The following RPS6KC1 variants were observed in gnomAD, a reference collection of about 807,000 sequenced individuals.
RPS6KC1 encodes the protein inactive ribosomal protein S6 kinase delta-1.
In RPS6KC1, 54 loss-of-function variants were observed where a neutral mutation model predicts 103.8. The observed-to-expected ratio is 0.52, with a 90% CI of 0.42 to 0.65. RPS6KC1 has a LOEUF of 0.65. Ranked by LOEUF, RPS6KC1 falls within the 30% of genes least tolerant of loss-of-function variation. The probability of loss-of-function intolerance (pLI) is 0.00; values close to 1 mark genes in which losing one functional copy is unlikely to be tolerated. For synonymous variants in RPS6KC1, 439 were observed against 438.7 expected (o/e 1.00, Z -0.01); for missense variants, 1,151 against 1,253.8 (o/e 0.92, Z 1.24).
the RPS6KC1 span, among the ~76,000 whole-genome samples, chr1:213,623,452 T>C: frequency 3.0e-4 from 46 of 151,976 alleles, no homozygotes; most frequent in Non-Finnish European, 5.3e-4. Context: ...ATGCCGGAAA[T>C]ATAAAGAGAG....
the RPS6KC1 span, among the ~76,000 whole-genome samples, chr1:213,826,440 G>T: frequency 6.6e-6 from 1 of 152,166 alleles, no homozygotes; most frequent in African/African-American, 2.4e-5. Flanking sequence ...ATAAGATAAT[G>T]CTCAGGTTGG....
chr1:213,171,222 T>C lies in RPS6KC1; in HGVS notation c.951+3249T>C, dbSNP rs146566539. On this transcript the variant is annotated intron_variant, in intron 7 of 14. Coordinates refer to ENST00000366960, the MANE Select transcript of RPS6KC1 (RefSeq NM_012424.6). The stretch of plus-strand genomic sequence containing the variant: ...ACAGAAAGGAAAAAAAGCACTCTCT[T>C]ACTCTTTTTCTTCATTGCTTCATTA... Among the ~76,000 whole-genome samples the C allele has an allele frequency of 7.9e-4, 120 of 152,238 alleles. 1 individual carries two copies. Among genetic ancestry groups the C allele is most frequent in the Non-Finnish European group, 1.5e-3 (103 of 68,002 alleles).
At chr1:213,280,069 C>T in the RPS6KC1 span, among the ~76,000 whole-genome samples, 2 of 152,206 alleles carry the variant, frequency 1.3e-5, no homozygotes, top group East Asian at 3.9e-4. Flanking sequence ...AGTTTGAAGA[C>T]ATTTTCAGTG....
At chr1:213,536,614 G>T in the RPS6KC1 span, among the ~76,000 whole-genome samples, 2 of 152,148 alleles carry the variant, frequency 1.3e-5, no homozygotes, top group Admixed American at 6.5e-5. Context: ...CTTGATAAAA[G>T]GTGAGCCGTT....
At chr1:213,337,393 A>C in the RPS6KC1 span, among the ~76,000 whole-genome samples, 2 of 152,178 alleles carry the variant, frequency 1.3e-5, no homozygotes, top group African/African-American at 4.8e-5. Context: ...CTCCTCTGTA[A>C]ATGAAGGAGA....
At chr1:213,092,262 T>C (rs951340464) in intron 3 of RPS6KC1, among the ~76,000 whole-genome samples, 2 of 152,194 alleles carry the variant, frequency 1.3e-5, no homozygotes, top group African/African-American at 2.4e-5. Flanking sequence ...ACACAGGGTG[T>C]TCATTGCAGC....
intron 1 of RPS6KC1, among the ~76,000 whole-genome samples, chr1:213,067,750 T>C (rs1012370438): frequency 1.3e-5 from 2 of 152,194 alleles, no homozygotes; most frequent in African/African-American, 4.8e-5. Context: ...AGCACATAGA[T>C]GTATGTAAAC....
the RPS6KC1 span, among the ~76,000 whole-genome samples, chr1:213,380,912 G>A: frequency 7.9e-5 from 12 of 152,266 alleles, no homozygotes; most frequent in Admixed American, 2.6e-4. Context: ...ATGCCCATCT[G>A]TGCCGTGGGG....
At chr1:213,620,178 C>T in the RPS6KC1 span, among the ~76,000 whole-genome samples, 1 of 152,192 alleles carries the variant, frequency 6.6e-6, no homozygotes, top group Non-Finnish European at 1.5e-5. Flanking sequence ...AAACTCTGTA[C>T]ATTAAAACAA....
the RPS6KC1 span, among the ~76,000 whole-genome samples, chr1:213,764,143 A>T: frequency 6.6e-6 from 1 of 152,346 alleles, no homozygotes; most frequent in Non-Finnish European, 1.5e-5. Context: ...GTGAAGTAGC[A>T]GGTTTATCAC....
the RPS6KC1 span, among the ~76,000 whole-genome samples, chr1:213,677,822 A>C: frequency 6.6e-6 from 1 of 151,896 alleles, no homozygotes; most frequent in Non-Finnish European, 1.5e-5. Context: ...CCTGGCCAAG[A>C]TGGTGGAACC....
the RPS6KC1 span, among the ~76,000 whole-genome samples, chr1:213,789,673 T>C: frequency 6.6e-6 from 1 of 152,166 alleles, no homozygotes; most frequent in Non-Finnish European, 1.5e-5. Context: ...AGGTACTCTA[T>C]CGAGTCTACT....
the RPS6KC1 span, among the ~76,000 whole-genome samples, chr1:213,850,532 C>T: frequency 5.9e-5 from 9 of 152,340 alleles, no homozygotes; most frequent in African/African-American, 1.9e-4. Flanking sequence ...TACAGTCTGA[C>T]ATTGCTCTTT....
At chr1:213,803,987 G>T in the RPS6KC1 span, among the ~76,000 whole-genome samples, 3 of 151,330 alleles carry the variant, frequency 2.0e-5, no homozygotes, top group Non-Finnish European at 2.9e-5. Context: ...GGGAGGGATA[G>T]CATTAGGAGA....
chr1:213,649,258 TAAA>T, the RPS6KC1 span, among the ~76,000 whole-genome samples: 1 of 138,430 alleles, frequency 7.2e-6, no homozygotes. Context: ...AGTCTCCACT[TAAA>T]AAAAAAAAAA....
chr1:213,762,333 C>T, the RPS6KC1 span, among the ~76,000 whole-genome samples: 1 of 152,312 alleles, frequency 6.6e-6, no homozygotes, highest in East Asian at 1.9e-4. Flanking sequence ...TACGCTGTTT[C>T]TCTTTGCCTT....
chr1:213,406,930 A>G, the RPS6KC1 span, among the ~76,000 whole-genome samples: 1 of 152,190 alleles, frequency 6.6e-6, no homozygotes, highest in East Asian at 1.9e-4. Context: ...TAACTTCCCA[A>G]AGTCACATAG....
the RPS6KC1 span, among the ~76,000 whole-genome samples, chr1:213,755,262 C>G: frequency 6.6e-6 from 1 of 152,082 alleles, no homozygotes; most frequent in Non-Finnish European, 1.5e-5. Context: ...GCAAAAGCTG[C>G]GAAAACTTTT....
chr1:213,180,162 T>TA (rs147804159), intron 8 of RPS6KC1, among the ~76,000 whole-genome samples: 5,871 of 151,426 alleles, frequency 0.039, 343 homozygotes, highest in African/African-American at 0.13. Flanking sequence ...TTAACCTGAT[T>TA]AAAAAAAAAT....
Sources: allele counts gnomAD v4.1 joint callset (sites outside exome capture counted in the v4.1 genomes callset), GRCh38; gene constraint gnomAD v4.1.1; transcripts MANE v1.5; gene names NCBI Gene and HGNC (gene_info 2026-07-23, HGNC 2026-07-21).